The following XYLB variants were observed in gnomAD, a reference collection of about 807,000 sequenced individuals.
XYLB encodes the protein xylulose kinase.
A neutral mutation model predicts 78.7 loss-of-function variants in XYLB; 62 were observed. The ratio of observed to expected loss-of-function variants is 0.79; its 90% confidence interval spans 0.64 to 0.97. The LOEUF (loss-of-function observed/expected upper bound fraction) is 0.97, where lower values mean the gene tolerates loss of function less well. Among genes scored for constraint, XYLB ranks in the 50% least tolerant of loss-of-function variants. XYLB has a pLI of 0.00. For missense variants in XYLB, 687 were observed against 676.8 expected (o/e 1.02, Z -0.17); for synonymous variants, 245 against 247.4 (o/e 0.99, Z 0.09).
intron 15 of XYLB, among the ~76,000 whole-genome samples, chr3:38,391,993 C>G (rs941400640): frequency 2.6e-5 from 4 of 152,216 alleles, no homozygotes; most frequent in South Asian, 4.1e-4. Flanking sequence ...TTCACTCAGT[C>G]CCCCCATGCA....
chr3:38,432,227 T>C, the XYLB span, among the ~76,000 whole-genome samples: 1 of 152,234 alleles, frequency 6.6e-6, no homozygotes, highest in South Asian at 2.1e-4. Flanking sequence ...AAGTCTCATC[T>C]GAGACAAGGC....
the XYLB span, among the ~76,000 whole-genome samples, chr3:38,447,367 G>A: frequency 8.5e-5 from 13 of 152,102 alleles, no homozygotes; most frequent in Non-Finnish European, 1.2e-4. Flanking sequence ...GCAGTGTCAC[G>A]ATCATGGCTC....
chr3:38,400,789 G>C (rs776339931), intron 17 of XYLB, 102 bp from the exon 18 acceptor site: 2 of 904,884 alleles, frequency 2.2e-6, no homozygotes, highest in Non-Finnish European at 3.5e-6. Context: ...CTATAATCCA[G>C]TTTTAGAACA....
At chr3:38,449,919 C>T in the XYLB span, among the ~76,000 whole-genome samples, 1 of 152,058 alleles carries the variant, frequency 6.6e-6, no homozygotes, top group East Asian at 1.9e-4. Flanking sequence ...TTTTTTTGAC[C>T]TCAAGTAACC....
the XYLB span, among the ~76,000 whole-genome samples, chr3:38,450,270 C>T: frequency 6.6e-6 from 1 of 152,200 alleles, no homozygotes; most frequent in Non-Finnish European, 1.5e-5. Context: ...ATTATAAAAA[C>T]TGTGGTTACT....
chr3:38,410,305 T>C (rs555747462), intron 18 of XYLB, among the ~76,000 whole-genome samples: 95 of 152,272 alleles, frequency 6.2e-4, no homozygotes, highest in African/African-American at 2.2e-3. Context: ...ATTTAATAAA[T>C]GGTGCTGGGA....
At chr3:38,394,738 G>C (rs1249253568) in intron 15 of XYLB, among the ~76,000 whole-genome samples, 4 of 152,318 alleles carry the variant, frequency 2.6e-5, no homozygotes, top group Non-Finnish European at 5.9e-5. Context: ...GATTCTGATT[G>C]AGGATATCTC....
At chr3:38,452,724 C>T in the XYLB span, 30 of 152,270 alleles carry the variant, frequency 2.0e-4, no homozygotes, top group Non-Finnish European at 4.1e-4. Context: ...TGAGCCACCT[C>T]GCCCTGCCTA....
At chr3:38,427,650 G>A in the XYLB span, among the ~76,000 whole-genome samples, 4 of 151,900 alleles carry the variant, frequency 2.6e-5, no homozygotes, top group South Asian at 2.1e-4. Flanking sequence ...TTGGAGTGCA[G>A]TGGCATGGTC....
intron 15 of XYLB, among the ~76,000 whole-genome samples, chr3:38,386,191 A>G (rs1032424357): frequency 6.6e-6 from 1 of 151,252 alleles, no homozygotes; most frequent in African/African-American, 2.4e-5. Flanking sequence ...TGCAAGCCCC[A>G]TTTTGGCTTC....
chr3:38,402,560 G>A (rs138046460), intron 18 of XYLB, among the ~76,000 whole-genome samples: 49 of 152,182 alleles, frequency 3.2e-4, no homozygotes, highest in Non-Finnish European at 4.7e-4. Context: ...ATTCAATGTC[G>A]AGATAAAGGA....
intron 9 of XYLB, 168 bp downstream of exon 9, chr3:38,370,342 A>G: frequency 1.7e-6 from 1 of 600,758 alleles, no homozygotes; most frequent in Middle Eastern, 4.5e-4. Context: ...CTAAGATGTA[A>G]GTCAGTGTCT....
chr3:38,346,825 GCGGA>G lies in XYLB; in HGVS notation c.-34_-31del, dbSNP rs1255388450. On this transcript the variant is annotated 5_prime_UTR_variant, in exon 1 of 19. Transcript: ENST00000207870. ...AGCGCGGCGACTATCACGCCGCGTG[GCGGA>G]CGGACGGACTGACGGACGCGCAGCC... 8 of 1,470,964 alleles carry G rather than the reference GCGGA, an allele frequency of 5.4e-6. No individual in the cohort carries two copies. The highest frequency in any genetic ancestry group is 2.9e-5 in the East Asian group (1 of 34,014). The allele number at this position is 1,470,964 out of a possible 1,614,324, so 91.1% of individuals were successfully genotyped here.
At chr3:38,417,394 T>C (rs999784619), downstream of XYLB, among the ~76,000 whole-genome samples, 3 of 152,176 alleles carry the variant, frequency 2.0e-5, no homozygotes, top group African/African-American at 7.2e-5. Flanking sequence ...ATTAAACTCA[T>C]TGGGAGCTAT....
In XYLB at chr3:38,368,242, A is replaced by T. The variant is rs367835960; in HGVS notation, c.631A>T (p.Ile211Phe). 6.2e-7 allele frequency: 1 copy of T among 1,613,952 alleles called. No homozygotes were observed. Among genetic ancestry groups the T allele is most frequent in the Non-Finnish European group, 8.5e-7 (1 of 1,179,956 alleles). Residue 211 changes from isoleucine (I) to phenylalanine (F), a missense_variant, in exon 8 of 19, where the codon ATT (isoleucine) becomes TTT (phenylalanine). Transcript: ENST00000207870. ...ASLFLGSYSP[I>F]DYSDGSGMNL... The stretch of plus-strand genomic sequence containing the variant: ...CCTGTTCCTTGGCTCTTACTCCCCT[A>T]TTGACTACAGTGATGGTGAGCCTCG...
At chr3:38,383,639 A>G (rs960298208) in intron 15 of XYLB, among the ~76,000 whole-genome samples, 2 of 148,436 alleles carry the variant, frequency 1.3e-5, no homozygotes, top group African/African-American at 4.9e-5. Context: ...ATCCCAGTAT[A>G]GTGGCATGTG....
the XYLB span, among the ~76,000 whole-genome samples, chr3:38,444,585 C>A: frequency 1.3e-5 from 2 of 152,172 alleles, no homozygotes; most frequent in African/African-American, 2.4e-5. Context: ...TTGTAATTTA[C>A]ACTCCCCTCA....
Position 38,381,938 on chromosome 3 carries a change from A to G in XYLB, c.1291+2596A>G, listed in dbSNP as rs531348901. Reference sequence around the variant, plus strand: ...TAAGTACTTGATGTCTGTCACCCACACCTATTCGCACACTCCCTCCCCTTT... The same window carrying G: ...TAAGTACTTGATGTCTGTCACCCACGCCTATTCGCACACTCCCTCCCCTTT... On this transcript the variant is annotated intron_variant, in intron 15 of 18. Coordinates refer to ENST00000207870, the MANE Select transcript of XYLB (RefSeq NM_005108.4). Among the ~76,000 whole-genome samples the G allele has an allele frequency of 1.4e-3, 210 of 152,194 alleles. 1 individual carries two copies. Among genetic ancestry groups the G allele is most frequent in the African/African-American group, 4.9e-3 (203 of 41,508 alleles).
In XYLB at chr3:38,400,999, G is replaced by A. The variant is rs2070488; in HGVS notation, c.1533+14G>A. 0.52 allele frequency: 839,751 copies of A among 1,611,952 alleles called. 226,652 individuals are homozygous for A. The highest frequency in any genetic ancestry group is 0.56 in the Non-Finnish European group (659,729 of 1,178,218). On this transcript the variant is annotated intron_variant, in intron 18 of 18. Transcript: ENST00000207870. ...GGAGCTTCTCAGGTGAGAGACCATCGGAATTTGTTTGTAGCATTTGCATTA... is the reference window on the plus strand; with the variant it reads ...GGAGCTTCTCAGGTGAGAGACCATCAGAATTTGTTTGTAGCATTTGCATTA...
Sources: gnomAD v4.1 joint callset for allele counts (sites outside exome capture counted in the v4.1 genomes callset) on GRCh38, gnomAD v4.1.1 for gene constraint, MANE v1.5 for transcripts, NCBI Gene and HGNC (gene_info 2026-07-23, HGNC 2026-07-21) for gene names.